The following RARB variants were observed in gnomAD, a reference collection of about 807,000 sequenced individuals.
RARB encodes the protein HBV-activated protein.
RARB carries 17 observed loss-of-function variants against 51.9 expected under a neutral mutation model. That is an observed-to-expected ratio of 0.33 (90% CI 0.22 to 0.49). The LOEUF is 0.49. Ranked by LOEUF, RARB falls within the 20% of genes least tolerant of loss-of-function variation. The pLI, the probability that RARB is intolerant of heterozygous loss-of-function variation, is 0.99. For missense variants in RARB, 369 were observed against 550.8 expected, an observed-to-expected ratio of 0.67 and a Z score of 3.30; for synonymous variants, 215 against 195.4, an observed-to-expected ratio of 1.10 and a Z score of -0.84.
chr3:25,197,789 A>G (rs1701282068), intron 5 of RARB, among the ~76,000 whole-genome samples: 1 of 152,078 alleles, frequency 6.6e-6, no homozygotes, highest in African/African-American at 2.4e-5. Context: ...AGACACAAAA[A>G]AATGGAAAGA....
intron 5 of RARB, chr3:25,324,029 G>C (rs1241564335): frequency 6.6e-6 from 1 of 151,982 alleles, no homozygotes; most frequent in Non-Finnish European, 1.5e-5. Context: ...GATAATAAAG[G>C]AAGTGGAAGA....
intron 2 of RARB, among the ~76,000 whole-genome samples, chr3:24,958,289 T>C (rs867174148): frequency 1.5e-5 from 2 of 134,004 alleles, no homozygotes; most frequent in Admixed American, 7.4e-5. Context: ...TTTTTTTTTT[T>C]AGCTGTCATG....
At chr3:25,302,438 G>C (rs1439525084) in intron 5 of RARB, among the ~76,000 whole-genome samples, 1 of 152,168 alleles carries the variant, frequency 6.6e-6, no homozygotes, top group Non-Finnish European at 1.5e-5. Flanking sequence ...TAAAAAAAAT[G>C]AAGTGCCGAT....
chr3:25,128,296 A>C (rs924795540), intron 3 of RARB, among the ~76,000 whole-genome samples: 3 of 151,872 alleles, frequency 2.0e-5, no homozygotes, highest in Non-Finnish European at 4.4e-5. Context: ...AAACCTCCTT[A>C]TTTTCAGCTG....
chr3:25,420,394 T>G (rs1043368786), intron 5 of RARB, among the ~76,000 whole-genome samples: 4 of 152,224 alleles, frequency 2.6e-5, no homozygotes, highest in African/African-American at 9.6e-5. Context: ...GTGTTGCTAA[T>G]AGAACTTGGC....
chr3:25,055,359 T>A (rs573726269), intron 2 of RARB, among the ~76,000 whole-genome samples: 1 of 152,258 alleles, frequency 6.6e-6, no homozygotes, highest in South Asian at 2.1e-4. Flanking sequence ...TGAATGTATT[T>A]GATGAATAAT....
chr3:25,175,705 C>A (rs993556471), intron 5 of RARB, among the ~76,000 whole-genome samples: 1 of 152,164 alleles, frequency 6.6e-6, no homozygotes, highest in African/African-American at 2.4e-5. Flanking sequence ...TGATTGCAAT[C>A]ATAGTACTAT....
At chr3:25,303,535 C>G (rs1704088996) in intron 5 of RARB, among the ~76,000 whole-genome samples, 1 of 152,232 alleles carries the variant, frequency 6.6e-6, no homozygotes, top group African/African-American at 2.4e-5. Context: ...CTGACGTTAG[C>G]TGAATGTCTC....
In RARB at chr3:25,326,691, G is replaced by A. The variant is rs541094794; in HGVS notation, c.179-134502G>A. Among the ~76,000 whole-genome samples the A allele has an allele frequency of 5.3e-5, 8 of 152,058 alleles. No individual in the cohort carries two copies. The South Asian group carries it at 1.2e-3, about 24-fold the overall frequency. ...TTGGCACCTTTTGTTGTCAATCCCTGGAATCTCTCCTGAAACATTGGTACA... is the reference window on the plus strand; with the variant it reads ...TTGGCACCTTTTGTTGTCAATCCCTAGAATCTCTCCTGAAACATTGGTACA... On this transcript the variant is annotated intron_variant, in intron 5 of 11. Coordinates refer to the RARB transcript ENST00000383772.
At chr3:24,995,745 T>G (rs2125438078) in intron 2 of RARB, among the ~76,000 whole-genome samples, 1 of 152,290 alleles carries the variant, frequency 6.6e-6, no homozygotes, top group Middle Eastern at 3.4e-3. Context: ...TGTACTTTAT[T>G]GATGTGATTA....
chr3:25,359,420 T>A (rs13084031), intron 5 of RARB, among the ~76,000 whole-genome samples: 124,281 of 151,670 alleles, frequency 0.82, 51,476 homozygotes, highest in East Asian at 1. Context: ...TTTAAAAAAA[T>A]ACCACCTCCT....
At chr3:24,902,781 T>G (rs992147927) in intron 2 of RARB, among the ~76,000 whole-genome samples, 1 of 152,156 alleles carries the variant, frequency 6.6e-6, no homozygotes, top group Non-Finnish European at 1.5e-5. Context: ...TGAGTCTAAT[T>G]TGGCTGGTTT....
chr3:25,061,217 A>G (rs1311136647), intron 3 of RARB, among the ~76,000 whole-genome samples: 4 of 151,920 alleles, frequency 2.6e-5, no homozygotes, highest in Non-Finnish European at 5.9e-5. Context: ...TGAAAATAAA[A>G]TTTAATTTAT....
intron 2 of RARB, among the ~76,000 whole-genome samples, chr3:25,020,679 C>G (rs929837143): frequency 6.6e-6 from 1 of 151,950 alleles, no homozygotes; most frequent in African/African-American, 2.4e-5. Flanking sequence ...AGATCACCTT[C>G]AAAAGTAATA....
At chr3:25,473,477 C>T (rs1030249492) in intron 2 of RARB, among the ~76,000 whole-genome samples, 1 of 151,332 alleles carries the variant, frequency 6.6e-6, no homozygotes, top group Non-Finnish European at 1.5e-5. Flanking sequence ...AGCGTCCTGC[C>T]TGGATTTCTG....
At chr3:25,370,016 G>C (rs908264913) in intron 5 of RARB, among the ~76,000 whole-genome samples, 3 of 152,140 alleles carry the variant, frequency 2.0e-5, no homozygotes, top group Non-Finnish European at 2.9e-5. Context: ...TGAGTGAAAA[G>C]GCACAGAGCA....
At chr3:25,152,325 A>G (rs1335862637) in intron 4 of RARB, among the ~76,000 whole-genome samples, 1 of 152,166 alleles carries the variant, frequency 6.6e-6, no homozygotes, top group Non-Finnish European at 1.5e-5. Flanking sequence ...CTGCAAACCT[A>G]GTTGACATAT....
intron 5 of RARB, among the ~76,000 whole-genome samples, chr3:25,335,086 G>A (rs775625530): frequency 5.9e-5 from 9 of 152,174 alleles, no homozygotes; most frequent in Admixed American, 3.3e-4. Flanking sequence ...CTGGCTGGCT[G>A]ACCCTGGGCA....
intron 5 of RARB, among the ~76,000 whole-genome samples, chr3:25,199,104 C>A (rs1027078570): frequency 6.6e-6 from 1 of 152,046 alleles, no homozygotes; most frequent in Admixed American, 6.6e-5. Flanking sequence ...TGGAGTACTA[C>A]TATTCAACCA....
Sources: gnomAD v4.1 joint callset for allele counts (sites outside exome capture counted in the v4.1 genomes callset) on GRCh38, gnomAD v4.1.1 for gene constraint, MANE v1.5 for transcripts, NCBI Gene and HGNC (gene_info 2026-07-23, HGNC 2026-07-21) for gene names.